RALYL: variants seen among roughly 807,000 people sequenced by gnomAD.
RALYL encodes the protein RALY RNA binding protein like.
RALYL carries 29 observed loss-of-function variants against 35.1 expected under a neutral mutation model. That is an observed-to-expected ratio of 0.83 (90% CI 0.61 to 1.13). RALYL has a LOEUF of 1.13. Among genes scored for constraint, RALYL ranks in the 50% most tolerant of loss-of-function variants. RALYL has a pLI of 0.00. For synonymous variants in RALYL, 120 were observed against 127.6 expected, an observed-to-expected ratio of 0.94 and a Z score of 0.40; for missense variants, 359 against 360.4, an observed-to-expected ratio of 1.00 and a Z score of 0.03.
chr8:84,469,967 C>T (rs907114961), intron 1 of RALYL, among the ~76,000 whole-genome samples: 2 of 152,200 alleles, frequency 1.3e-5, no homozygotes, highest in African/African-American at 4.8e-5. Flanking sequence ...TTGCGCTTCC[C>T]AAGTGAGGCA....
chr8:84,243,736 A>G (rs904792900), intron 1 of RALYL, among the ~76,000 whole-genome samples: 8 of 151,974 alleles, frequency 5.3e-5, no homozygotes, highest in African/African-American at 1.7e-4. Flanking sequence ...CCTCCAATCC[A>G]TGATCTCTCA....
chr8:84,731,445 G>T (rs2132852024), intron 2 of RALYL, among the ~76,000 whole-genome samples: 1 of 152,240 alleles, frequency 6.6e-6, no homozygotes, highest in South Asian at 2.1e-4. Context: ...TATTGATTAT[G>T]CAAGCAGTAA....
intron 1 of RALYL, among the ~76,000 whole-genome samples, chr8:84,312,379 C>CTA (rs1161296644): frequency 6.6e-6 from 1 of 152,164 alleles, no homozygotes; most frequent in Non-Finnish European, 1.5e-5. Context: ...ACCAGTCATG[C>CTA]CTTCCCAACA....
chr8:84,334,954 G>C (rs1376218616), intron 1 of RALYL, among the ~76,000 whole-genome samples: 1 of 152,118 alleles, frequency 6.6e-6, no homozygotes, highest in East Asian at 1.9e-4. Flanking sequence ...TAAAGGAAGA[G>C]GAAGACAACG....
At chr8:84,317,067 C>A (rs1001245794) in intron 1 of RALYL, among the ~76,000 whole-genome samples, 2 of 151,304 alleles carry the variant, frequency 1.3e-5, no homozygotes, top group Admixed American at 6.6e-5. Flanking sequence ...ACATAATGAT[C>A]CCATGTTTAA....
At chr8:84,679,467 C>A in intron 2 of RALYL, 1 of 312,614 alleles carries the variant, frequency 3.2e-6, no homozygotes, top group Non-Finnish European at 6.4e-6. Context: ...TAGGTGGTTG[C>A]TAAATAGGAC....
chr8:84,521,753 A>G (rs975056823), intron 1 of RALYL, among the ~76,000 whole-genome samples: 1 of 152,204 alleles, frequency 6.6e-6, no homozygotes, highest in Non-Finnish European at 1.5e-5. Context: ...ATATCCATTG[A>G]TTTCCAATTT....
intron 2 of RALYL, among the ~76,000 whole-genome samples, chr8:84,765,787 A>T (rs926117131): frequency 6.6e-6 from 1 of 151,990 alleles, no homozygotes; most frequent in African/African-American, 2.4e-5. Context: ...TTTTCCTGGC[A>T]GTCTGCATGC....
chr8:84,305,554 G>A (rs891104818), intron 1 of RALYL, among the ~76,000 whole-genome samples: 1 of 152,130 alleles, frequency 6.6e-6, no homozygotes, highest in Non-Finnish European at 1.5e-5. Flanking sequence ...AAAAGTACAT[G>A]TTTTCCATCT....
chr8:84,599,342 G>A (rs191497187), intron 2 of RALYL, among the ~76,000 whole-genome samples: 350 of 151,910 alleles, frequency 2.3e-3, no homozygotes, highest in African/African-American at 5.2e-3. Flanking sequence ...GCATTAATAT[G>A]TCATAGCATC....
At chr8:84,254,042 TA>T (rs1171643169) in intron 1 of RALYL, among the ~76,000 whole-genome samples, 12 of 152,176 alleles carry the variant, frequency 7.9e-5, no homozygotes, top group Admixed American at 7.9e-4. Flanking sequence ...TTTAGCACTG[TA>T]AATCTCAAGT....
chr8:84,336,223 T>C (rs970240274), intron 1 of RALYL, among the ~76,000 whole-genome samples: 1 of 152,188 alleles, frequency 6.6e-6, no homozygotes, highest in East Asian at 1.9e-4. Flanking sequence ...TTATGGACAC[T>C]GAATTGATTG....
chr8:84,450,034 T>G (rs1439483060), intron 1 of RALYL, among the ~76,000 whole-genome samples: 1 of 151,876 alleles, frequency 6.6e-6, no homozygotes, highest in Non-Finnish European at 1.5e-5. Context: ...AAATGAGTTA[T>G]AGCATTGTTG....
chr8:84,788,358 A>G (rs1820029127), intron 3 of RALYL, among the ~76,000 whole-genome samples: 1 of 152,206 alleles, frequency 6.6e-6, no homozygotes, highest in Admixed American at 6.5e-5. Context: ...ACGTCGAGAA[A>G]ACTGGCTACC....
intron 2 of RALYL, among the ~76,000 whole-genome samples, chr8:84,641,836 T>A (rs1283836190): frequency 6.6e-6 from 1 of 151,696 alleles, no homozygotes; most frequent in African/African-American, 2.4e-5. Flanking sequence ...TACTCTGTTT[T>A]TGGCTGGGTC....
chr8:84,691,165 A>G (rs1332065227), intron 2 of RALYL, among the ~76,000 whole-genome samples: 5 of 152,132 alleles, frequency 3.3e-5, no homozygotes, highest in Admixed American at 2.0e-4. Flanking sequence ...TTATTAGACT[A>G]CAAACATTTT....
rs192315316 is a variant in RALYL at position 84,722,198 on chromosome 8, C to T, written c.257-52381C>T. Among the ~76,000 whole-genome samples, 58 of 152,088 alleles carry T rather than the reference C, an allele frequency of 3.8e-4. 2 individuals carry two copies. Among genetic ancestry groups the T allele is most frequent in the Admixed American group, 3.5e-3 (54 of 15,230 alleles). The stretch of plus-strand genomic sequence containing the variant: ...CTCTGAAAGGACCTCTAGATTGCTA[C>T]ACATATTTCTTTCTTTTCTGAGTAT... On this transcript the variant is annotated intron_variant, in intron 2 of 8. Coordinates refer to ENST00000521268, the MANE Select transcript of RALYL (RefSeq NM_173848.7).
chr8:84,431,874 C>A (rs1283421359), intron 1 of RALYL, among the ~76,000 whole-genome samples: 4 of 152,074 alleles, frequency 2.6e-5, no homozygotes, highest in Non-Finnish European at 4.4e-5. Context: ...ATCTCTATAA[C>A]ATACTGATTC....
chr8:84,399,812 C>T (rs1351278866), intron 1 of RALYL, among the ~76,000 whole-genome samples: 2 of 152,188 alleles, frequency 1.3e-5, no homozygotes, highest in South Asian at 2.1e-4. Context: ...GAATTCTCTT[C>T]TAAGTCTGAA....
Sources: allele counts gnomAD v4.1 joint callset (sites outside exome capture counted in the v4.1 genomes callset), GRCh38; gene constraint gnomAD v4.1.1; transcripts MANE v1.5; gene names NCBI Gene and HGNC (gene_info 2026-07-23, HGNC 2026-07-21).